The following MMP20 variants were observed in gnomAD, a reference collection of about 807,000 sequenced individuals.
MMP20 encodes the protein matrix metalloproteinase-20.
In MMP20, 50 loss-of-function variants were observed where a neutral mutation model predicts 51.8. The observed-to-expected ratio is 0.97, with a 90% CI of 0.77 to 1.22. The LOEUF (loss-of-function observed/expected upper bound fraction) is 1.22. Ranked by LOEUF, MMP20 falls within the 50% of genes most tolerant of loss-of-function variation. The pLI, the probability that MMP20 is intolerant of heterozygous loss-of-function variation, is 0.00. For synonymous variants in MMP20, 244 were observed against 216.2 expected, an observed-to-expected ratio of 1.13 and a Z score of -1.13; for missense variants, 663 against 601.4, an observed-to-expected ratio of 1.10 and a Z score of -1.07.
At chr11:102,616,054 G>A (rs1022073502) in intron 2 of MMP20, among the ~76,000 whole-genome samples, 1 of 152,140 alleles carries the variant, frequency 6.6e-6, no homozygotes, top group Non-Finnish European at 1.5e-5. Context: ...CAGCAGGGAG[G>A]GACAGAGGTT....
chr11:102,608,327 A>T (rs191581702), intron 5 of MMP20, among the ~76,000 whole-genome samples: 70 of 152,344 alleles, frequency 4.6e-4, no homozygotes, highest in African/African-American at 1.6e-3. Context: ...TTGGATACAG[A>T]GTTTCTAATA....
chr11:102,606,456 A>C, intron 6 of MMP20, 79 bp downstream of exon 6: 1 of 1,577,708 alleles, frequency 6.3e-7, no homozygotes. Context: ...ACAAGGCAGC[A>C]ACAAGGACCT....
chr11:102,580,828 C>A (rs934611840), intron 8 of MMP20, among the ~76,000 whole-genome samples: 3 of 152,194 alleles, frequency 2.0e-5, no homozygotes, highest in Non-Finnish European at 4.4e-5. Flanking sequence ...AGGACATAAA[C>A]TGAGAATAAA....
At chr11:102,603,928 C>T (rs571150972) in intron 6 of MMP20, among the ~76,000 whole-genome samples, 22 of 152,204 alleles carry the variant, frequency 1.4e-4, no homozygotes, top group African/African-American at 5.3e-4. Flanking sequence ...TTATCACCCT[C>T]AGTATTTATA....
chr11:102,614,729 G>A (rs1859645364), intron 2 of MMP20, among the ~76,000 whole-genome samples: 1 of 151,900 alleles, frequency 6.6e-6, no homozygotes, highest in Non-Finnish European at 1.5e-5. Context: ...ACTGTTCCCT[G>A]GATTCTGGCC....
chr11:102,619,239 G>A (rs1335762224), intron 1 of MMP20, among the ~76,000 whole-genome samples: 2 of 151,998 alleles, frequency 1.3e-5, no homozygotes, highest in African/African-American at 4.8e-5. Flanking sequence ...TACTCCTCAG[G>A]GTTAAGCTCC....
chr11:102,622,172 T>C (rs949260215), intron 1 of MMP20, among the ~76,000 whole-genome samples: 4 of 152,170 alleles, frequency 2.6e-5, no homozygotes, highest in African/African-American at 9.7e-5. Context: ...TTTTCAAGTG[T>C]AGATTTTTTA....
chr11:102,609,211 C>G, intron 4 of MMP20, 113 bp from the exon 5 acceptor site: 1 of 951,398 alleles, frequency 1.1e-6, no homozygotes, highest in Non-Finnish European at 1.6e-6. Flanking sequence ...TCTCCTTCTC[C>G]TAACTGGATT....
At chr11:102,593,089 G>C (rs1711440) in intron 8 of MMP20, among the ~76,000 whole-genome samples, 131,807 of 152,142 alleles carry the variant, frequency 0.87, 57,265 homozygotes, top group East Asian at 0.99. Flanking sequence ...GCATTTGATG[G>C]TCACATAACA....
At chr11:102,613,595 T>C (rs533251464) in intron 2 of MMP20, among the ~76,000 whole-genome samples, 2 of 152,322 alleles carry the variant, frequency 1.3e-5, no homozygotes, top group African/African-American at 2.4e-5. Flanking sequence ...GTTATTATAA[T>C]GCAGATGGTG....
chr11:102,583,672 C>A (rs1431762671), intron 8 of MMP20: 1 of 152,122 alleles, frequency 6.6e-6, no homozygotes, highest in Non-Finnish European at 1.5e-5. Context: ...GTTAAGCAAG[C>A]GATGCATGAC....
At chr11:102,589,910 A>C (rs1451999403) in intron 8 of MMP20, among the ~76,000 whole-genome samples, 1 of 152,184 alleles carries the variant, frequency 6.6e-6, no homozygotes, top group African/African-American at 2.4e-5. Context: ...ATCTATTTCT[A>C]GTATTTCTGA....
chr11:102,611,129 C>A (rs1859593563), intron 3 of MMP20, among the ~76,000 whole-genome samples: 1 of 152,184 alleles, frequency 6.6e-6, no homozygotes, highest in Non-Finnish European at 1.5e-5. Context: ...CATGTTTTCC[C>A]CCCAGTGACA....
intron 5 of MMP20, 107 bp downstream of exon 5, chr11:102,608,830 T>C: frequency 8.3e-7 from 1 of 1,205,374 alleles, no homozygotes. Context: ...GGGGTTATGG[T>C]TTCTAGATTG....
rs17098800 is a variant in MMP20, at chr11:102,606,228, C to G, written c.953+307G>C. Reference sequence around the variant, plus strand: ...TCACCTTGGGAAACTTGCTTGCTGTCTTTGAGCTGCTTTCTTTATCTGCAC... The same window carrying G: ...TCACCTTGGGAAACTTGCTTGCTGTGTTTGAGCTGCTTTCTTTATCTGCAC... On this transcript the variant is annotated intron_variant, in intron 6 of 9. Transcript: ENST00000260228. 0.076 allele frequency among the ~76,000 whole-genome samples: 11,531 copies of G among 152,292 alleles called. 562 individuals carry two copies. Among genetic ancestry groups the G allele is most frequent in the Non-Finnish European group, 0.11 (7,476 of 68,010 alleles).
At chr11:102,604,767 A>G (rs1180959995) in intron 6 of MMP20, among the ~76,000 whole-genome samples, 4 of 152,262 alleles carry the variant, frequency 2.6e-5, no homozygotes. Context: ...ATAACATATA[A>G]TATATAAAGG....
At chr11:102,622,371 G>A (rs1285713006) in intron 1 of MMP20, among the ~76,000 whole-genome samples, 1 of 152,038 alleles carries the variant, frequency 6.6e-6, no homozygotes, top group Non-Finnish European at 1.5e-5. Flanking sequence ...CTGTCCTTGG[G>A]ACTCCTCTGG....
chr11:102,605,422 C>G (rs1313063651), intron 6 of MMP20: 2 of 151,978 alleles, frequency 1.3e-5, no homozygotes, highest in Non-Finnish European at 2.9e-5. Flanking sequence ...GTTACTTTCT[C>G]TCTGTGCTGA....
intron 6 of MMP20, among the ~76,000 whole-genome samples, chr11:102,602,302 C>A (rs1407619047): frequency 2.0e-5 from 3 of 150,906 alleles, no homozygotes; most frequent in Admixed American, 6.6e-5. Flanking sequence ...ATTTAAGACA[C>A]ATAACATCTT....
Sources: gnomAD v4.1 joint callset for allele counts (sites outside exome capture counted in the v4.1 genomes callset) on GRCh38, gnomAD v4.1.1 for gene constraint, MANE v1.5 for transcripts, NCBI Gene and HGNC (gene_info 2026-07-23, HGNC 2026-07-21) for gene names.